The following MEGF11 variants were observed in gnomAD, a reference collection of about 807,000 sequenced individuals.
MEGF11 encodes multiple EGF like domains 11.
MEGF11 carries 126 observed loss-of-function variants against 146.6 expected under a neutral mutation model. That is an observed-to-expected ratio of 0.86 (90% CI 0.74 to 1.00). The LOEUF (loss-of-function observed/expected upper bound fraction) is 1.00. MEGF11 is among the 50% of genes least tolerant of loss of function. The probability of loss-of-function intolerance (pLI) is 0.00; values close to 1 mark genes in which losing one functional copy is unlikely to be tolerated. For synonymous variants in MEGF11, 532 were observed against 583.4 expected, an observed-to-expected ratio of 0.91 and a Z score of 1.27; for missense variants, 1,509 against 1,521.2, an observed-to-expected ratio of 0.99 and a Z score of 0.13.
rs1214324481 is a variant in MEGF11 at position 65,909,721 on chromosome 15, G to C, written c.2896+19C>G. On this transcript the variant is annotated intron_variant, in intron 22 of 25. Transcript: ENST00000395614. ...GGGTGGGACATGATGGTGGGGACCA[G>C]ACTCACACCACTACTGACCTAACAC... 2 of 1,559,332 alleles carry C rather than the reference G, an allele frequency of 1.3e-6. No individual in the cohort carries two copies. Among genetic ancestry groups the C allele is most frequent in the East Asian group, 4.7e-5 (2 of 42,548 alleles).
At chr15:66,105,675 A>T (rs1187542069) in intron 4 of MEGF11, among the ~76,000 whole-genome samples, 1 of 152,256 alleles carries the variant, frequency 6.6e-6, no homozygotes, top group South Asian at 2.1e-4. Flanking sequence ...TTTATGGAGG[A>T]CTGAAGGATG....
intron 1 of MEGF11, among the ~76,000 whole-genome samples, chr15:66,155,842 G>A (rs929917695): frequency 2.6e-5 from 4 of 152,280 alleles, no homozygotes; most frequent in Admixed American, 6.5e-5. Flanking sequence ...CCCGCTCCTG[G>A]CCACGCCAGC....
At chr15:65,991,225 C>A (rs1040980685) in intron 5 of MEGF11, among the ~76,000 whole-genome samples, 6 of 152,180 alleles carry the variant, frequency 3.9e-5, no homozygotes, top group Non-Finnish European at 8.8e-5. Flanking sequence ...GGAGTGAGCA[C>A]ACGCACGTGG....
intron 5 of MEGF11, among the ~76,000 whole-genome samples, chr15:66,041,026 G>A (rs2083953769): frequency 6.6e-6 from 1 of 151,826 alleles, no homozygotes; most frequent in Non-Finnish European, 1.5e-5. Flanking sequence ...TACATGTTTG[G>A]TGCATAAATA....
At chr15:66,123,381 T>C (rs1351183083) in intron 3 of MEGF11, among the ~76,000 whole-genome samples, 12 of 152,204 alleles carry the variant, frequency 7.9e-5, no homozygotes, top group Non-Finnish European at 1.8e-4. Context: ...GGCAGGGGGC[T>C]GTCTTAGGTT....
At chr15:65,943,072 C>T (rs373696071) in intron 10 of MEGF11, among the ~76,000 whole-genome samples, 16 of 149,884 alleles carry the variant, frequency 1.1e-4, no homozygotes, top group South Asian at 1.1e-3. Flanking sequence ...CTGCAACCAC[C>T]GCCCCCCGGG....
chr15:65,989,246 C>A (rs2081960726), intron 5 of MEGF11, among the ~76,000 whole-genome samples: 1 of 152,136 alleles, frequency 6.6e-6, no homozygotes. Flanking sequence ...AGACAGGAAT[C>A]CTGAGACCCA....
At chr15:66,205,925 A>C (rs978872370) in intron 1 of MEGF11, among the ~76,000 whole-genome samples, 5 of 152,250 alleles carry the variant, frequency 3.3e-5, no homozygotes, top group African/African-American at 1.2e-4. Flanking sequence ...AAACCAGGAG[A>C]ATATCAAATT....
intron 5 of MEGF11, among the ~76,000 whole-genome samples, chr15:65,988,527 G>C (rs573937321): frequency 1.3e-5 from 2 of 152,298 alleles, no homozygotes; most frequent in East Asian, 3.9e-4. Flanking sequence ...TGATGACACT[G>C]AGTTGTTCCA....
chr15:65,961,406 G>A (rs1431500870), intron 9 of MEGF11, among the ~76,000 whole-genome samples: 1 of 152,186 alleles, frequency 6.6e-6, no homozygotes, highest in Non-Finnish European at 1.5e-5. Flanking sequence ...CAGCTGCTAT[G>A]AGATTTCTAT....
At position 66,189,848 on chromosome 15, in the gene MEGF11, C is replaced by CT. The variant is rs201607865; in HGVS notation, c.-8-61438_-8-61437insA. Among the ~76,000 whole-genome samples the CT allele has an allele frequency of 5.7e-3, 313 of 55,022 alleles. 6 individuals carry two copies. The East Asian group carries it at 0.11, about 19-fold the overall frequency. 36.1% of individuals were successfully genotyped at this position (55,022 alleles called of 152,430 possible). A position where few individuals can be genotyped will look rare whatever the true frequency, so the allele number is the denominator to read the frequency against. On this transcript the variant is annotated intron_variant, in intron 1 of 25. Transcript: ENST00000395614. ...GGGGAAAGATGAGGGGCATTAAATC[C>CT]CACTCGAAAGCAATCGTATTCTTCT...
chr15:66,023,206 G>A (rs990929500), intron 5 of MEGF11, among the ~76,000 whole-genome samples: 8 of 151,692 alleles, frequency 5.3e-5, no homozygotes, highest in African/African-American at 1.7e-4. Flanking sequence ...AAGCCCAGAT[G>A]GAGATTCCAC....
At chr15:66,222,885 T>C (rs2091770202) in intron 1 of MEGF11, among the ~76,000 whole-genome samples, 1 of 152,210 alleles carries the variant, frequency 6.6e-6, no homozygotes, top group African/African-American at 2.4e-5. Context: ...CATACACTGC[T>C]GGTGGGAATG....
At chr15:66,105,219 G>C (rs1469544028) in intron 4 of MEGF11, among the ~76,000 whole-genome samples, 2 of 152,116 alleles carry the variant, frequency 1.3e-5, no homozygotes, top group Non-Finnish European at 2.9e-5. Flanking sequence ...CCTAGTGCTT[G>C]CACCTGCTCC....
intron 1 of MEGF11, among the ~76,000 whole-genome samples, chr15:66,174,279 G>T (rs2141126163): frequency 6.6e-6 from 1 of 152,338 alleles, no homozygotes; most frequent in South Asian, 2.1e-4. Flanking sequence ...GAAAGGGGCT[G>T]CAGAGAGATG....
At chr15:66,187,584 C>T (rs1468793515) in intron 1 of MEGF11, among the ~76,000 whole-genome samples, 2 of 152,214 alleles carry the variant, frequency 1.3e-5, no homozygotes, top group Non-Finnish European at 2.9e-5. Context: ...GGTGGCATTA[C>T]GGCAGTCTTG....
rs542733385 is a variant in MEGF11, at chr15:66,059,200, G to A, written c.394+35202C>T. ...GAGGGTGTGGCTTAGTGGCACAGCC[G>A]GGGAGAACCCAGCCCAGAGCTGTTC... On this transcript the variant is annotated intron_variant, in intron 5 of 25. Coordinates refer to ENST00000395614, the MANE Select transcript of MEGF11 (RefSeq NM_001385028.1). Among the ~76,000 whole-genome samples, 8 of 152,278 alleles carry A rather than the reference G, an allele frequency of 5.3e-5. No homozygotes were observed. The East Asian group carries it at 5.8e-4, about 11-fold the overall frequency.
At chr15:66,170,690 A>AG (rs149031531) in intron 1 of MEGF11, among the ~76,000 whole-genome samples, 63 of 152,266 alleles carry the variant, frequency 4.1e-4, no homozygotes, top group African/African-American at 1.4e-3. Context: ...ATAGAATGGG[A>AG]GGGGGGCCTT....
At chr15:66,026,840 A>C (rs1199992241) in intron 5 of MEGF11, among the ~76,000 whole-genome samples, 1 of 152,172 alleles carries the variant, frequency 6.6e-6, no homozygotes, top group East Asian at 1.9e-4. Context: ...GTACTTATCA[A>C]CTGTGGCCTC....
Sources: allele counts gnomAD v4.1 joint callset (sites outside exome capture counted in the v4.1 genomes callset), GRCh38; gene constraint gnomAD v4.1.1; transcripts MANE v1.5; gene names NCBI Gene and HGNC (gene_info 2026-07-23, HGNC 2026-07-21).